Variants in CFAP65 observed in about 807,000 individuals in gnomAD.
The protein encoded by CFAP65 is cilia- and flagella-associated protein 65.
In CFAP65, 155 loss-of-function variants were observed where a neutral mutation model predicts 208.0. The observed-to-expected ratio is 0.75, with a 90% CI of 0.65 to 0.85. CFAP65 has a LOEUF of 0.85. CFAP65 is among the 40% of genes least tolerant of loss of function. The pLI, the probability that CFAP65 is intolerant of heterozygous loss-of-function variation, is 0.00. For missense variants in CFAP65, 2,294 were observed against 2,451.3 expected (o/e 0.94, Z 1.36); for synonymous variants, 970 against 986.3 (o/e 0.98, Z 0.31).
At position 219,010,789 on chromosome 2, in the gene CFAP65, C is replaced by A; in HGVS notation, c.4149+16G>T. 6.3e-7 allele frequency: 1 copy of A among 1,595,728 alleles called. No individual in the cohort carries two copies. The highest frequency in any genetic ancestry group is 1.1e-5 in the South Asian group (1 of 89,502). ...AGCACCACCCCACCTCCCACGTCAT[C>A]CAGGTTGCTGCTCACCGTGTAGGTC... is the stretch of plus-strand genomic sequence containing the variant. On this transcript the variant is annotated intron_variant, in intron 25 of 34. Transcript: ENST00000341552.
Position 219,003,526 on chromosome 2 carries a change from G to A in CFAP65, c.5556-254C>T, listed in dbSNP as rs1354524869. Among the ~76,000 whole-genome samples the A allele has an allele frequency of 6.6e-6, 1 of 152,196 alleles. No homozygotes were observed. The highest frequency in any genetic ancestry group is 1.9e-4 in the East Asian group (1 of 5,188). The stretch of plus-strand genomic sequence containing the variant: ...CCCAGGCGATGTAGTAGGCATCTCA[G>A]GGCCAAGTTTAGAGAAAGGTAGGGA... On this transcript the variant is annotated intron_variant, in intron 33 of 34. Coordinates refer to ENST00000341552, the MANE Select transcript of CFAP65 (RefSeq NM_194302.4). This position sits in a 1 kb window ranked among gnomAD's most constrained non-coding sequence, Gnocchi z 4.4.
At chr2:219,038,692 T>C (rs1158403280) in intron 3 of CFAP65, 114 bp from the exon 4 acceptor site, 2 of 1,158,716 alleles carry the variant, frequency 1.7e-6, no homozygotes, top group Admixed American at 3.9e-5. Context: ...TTCCCAGCTC[T>C]GGCAACAGGT....
At chr2:219,024,399 G>C in intron 14 of CFAP65, 139 bp from the exon 15 acceptor site, 1 of 974,080 alleles carries the variant, frequency 1.0e-6, no homozygotes, top group African/African-American at 1.7e-5. Flanking sequence ...TCAACGCCCT[G>C]GGAACGGGGA....
chr2:219,024,335 G>C (rs1171594552), intron 14 of CFAP65, 75 bp from the exon 15 acceptor site: 7 of 1,520,922 alleles, frequency 4.6e-6, no homozygotes, highest in African/African-American at 1.4e-5. Flanking sequence ...GGCCCTATGG[G>C]GGCTTGGGAG....
At position 219,003,055 on chromosome 2, in the gene CFAP65, G is replaced by A; in HGVS notation, c.5694-34C>T. 3 of 1,551,290 alleles carry A rather than the reference G, an allele frequency of 1.9e-6. No individual in the cohort carries two copies. The highest frequency in any genetic ancestry group is 2.6e-6 in the Non-Finnish European group (3 of 1,146,854). Reference sequence around the variant, plus strand: ...CAAAAAGTCCCAGGTAGGCGTGGGGGCGAGGCTTCGGGCAGAGCCTGGCTG... The same window carrying A: ...CAAAAAGTCCCAGGTAGGCGTGGGGACGAGGCTTCGGGCAGAGCCTGGCTG... On this transcript the variant is annotated intron_variant, in intron 34 of 34. Coordinates refer to ENST00000341552, the MANE Select transcript of CFAP65 (RefSeq NM_194302.4). The surrounding 1 kb of genome is among the most constrained non-coding windows in gnomAD (Gnocchi z 4.4).
At position 219,004,835 on chromosome 2, in the gene CFAP65, G is replaced by A. The variant is rs945487072; in HGVS notation, c.5052-380C>T. On this transcript the variant is annotated intron_variant, in intron 32 of 34. Transcript: ENST00000341552. This position sits in a 1 kb window ranked among gnomAD's most constrained non-coding sequence, Gnocchi z 4.7. The stretch of plus-strand genomic sequence containing the variant: ...CTGTCCTGGGGTGGGGGGGCCGGGG[G>A]GGGGGACCGTGGTGGGATCTTGCAA... 1.4e-5 allele frequency among the ~76,000 whole-genome samples: 2 copies of A among 147,998 alleles called. No individual in the cohort carries two copies. The highest frequency in any genetic ancestry group is 3.0e-5 in the Non-Finnish European group (2 of 66,608).
intron 26 of CFAP65, among the ~76,000 whole-genome samples, 194 bp from the exon 27 acceptor site, chr2:219,010,279 A>G (rs1200422796): frequency 6.6e-6 from 1 of 151,766 alleles, no homozygotes; most frequent in Non-Finnish European, 1.5e-5. Context: ...CATCCCAGTG[A>G]AGAGGGTGGG....
chr2:219,024,133 G>A lies in CFAP65; in HGVS notation c.2477C>T (p.Ser826Leu), dbSNP rs777771098. ...RGSDVILRPT[S>L]GLVAPGAHQI... is the part of the protein sequence containing the mutation. Reference sequence around the variant, plus strand: ...GTGGGCCCCGGGTGCCACAAGGCCCGAAGTGGGCCGAAGGATGACGTCTGA... The same window carrying A: ...GTGGGCCCCGGGTGCCACAAGGCCCAAAGTGGGCCGAAGGATGACGTCTGA... The change falls in exon 15 of 35, where the codon TCG (serine) becomes TTG (leucine). Residue 826 changes from serine to leucine, a missense_variant. This residue lies in a region of CFAP65 where 1,427 missense variants were observed against 1,438.7 expected (regional missense o/e 0.99). Transcript: ENST00000341552. The A allele has an allele frequency of 1.8e-5, 29 of 1,613,906 alleles. No individual in the cohort carries two copies. Among genetic ancestry groups the A allele is most frequent in the Admixed American group, 5.0e-5 (3 of 60,006 alleles).
intron 21 of CFAP65, among the ~76,000 whole-genome samples, chr2:219,016,973 T>C (rs1946933077): frequency 6.6e-6 from 1 of 152,230 alleles, no homozygotes; most frequent in South Asian, 2.1e-4. Context: ...TTCACAACCT[T>C]TCTGCCTTTT....
intron 9 of CFAP65, 100 bp from the exon 10 acceptor site, chr2:219,030,308 T>A: frequency 1.7e-6 from 2 of 1,204,428 alleles, no homozygotes; most frequent in African/African-American, 1.5e-5. Context: ...GCCAAGGGGG[T>A]GGGGGCAGCT....
rs748550771 is a variant in CFAP65 at position 219,013,955 on chromosome 2, C to G, written c.3692G>C (p.Arg1231Pro). 6.2e-7 allele frequency: 1 copy of G among 1,613,614 alleles called. No individual in the cohort carries two copies. The highest frequency in any genetic ancestry group is 8.5e-7 in the Non-Finnish European group (1 of 1,179,844). ...GGAGAAGAGGCAATTGTCCTGCACG[C>G]GCATCTGGTGGAGCTCAGTGGAATT... is the stretch of plus-strand genomic sequence containing the variant. ...ELNSTELHQM[R>P]VQDNCLFSIS... is the part of the protein sequence containing the mutation. The change falls in exon 22 of 35, where the codon CGC becomes CCC. Residue 1231 changes from arginine (R) to proline (P), a missense_variant. Transcript: ENST00000341552.
rs146850155 is a variant in CFAP65 at position 219,028,736 on chromosome 2, G to A, written c.1651-335C>T. Among the ~76,000 whole-genome samples the A allele has an allele frequency of 1.6e-3, 240 of 152,294 alleles. 1 individual carries two copies. Among genetic ancestry groups the A allele is most frequent in the African/African-American group, 5.4e-3 (225 of 41,556 alleles). ...TAGAATTCAGGCCCTCCCAAGGGAG[G>A]AGAATATGGGGGGCTGCCTCATCAG... On this transcript the variant is annotated intron_variant, in intron 11 of 34. Transcript: ENST00000341552.
At position 219,006,036 on chromosome 2, in the gene CFAP65, C is replaced by A. The variant is rs1559113874; in HGVS notation, c.4907G>T (p.Cys1636Phe). 1 of 1,613,222 alleles carries A rather than the reference C, an allele frequency of 6.2e-7. No homozygotes were observed. The highest frequency in any genetic ancestry group is 2.2e-5 in the East Asian group (1 of 44,874). Residue 1636 changes from cysteine to phenylalanine, a missense_variant, in exon 31 of 35, where the codon TGC becomes TTC. Physicochemically the swap from Cys to Phe is radical, Grantham distance 205 (BLOSUM62 -2). This residue lies in a region of CFAP65 where 1,427 missense variants were observed against 1,438.7 expected (regional missense o/e 0.99). Transcript: ENST00000341552. ...FLANFFSEFPCHFLHRELPKR... is the reference protein window; with the variant it reads ...FLANFFSEFPFHFLHRELPKR... ...AAGAGCTTACCGGTGCAAAAAGTGG[C>A]AGGGAAACTCTGAGAAGAAGTTAGC...
rs929510200 is a variant in CFAP65, at chr2:219,023,321, G to C, written c.2706C>G (p.Thr902=). ...WVGCSSTSPF[T]FRNPSRLPLQ... is the part of the protein sequence containing the mutation. ...GGGGCAGACGCGAGGGGTTGCGGAA[G>C]GTGAAGGGGCTGGTGGAGGAGCAGC... is the stretch of plus-strand genomic sequence containing the variant. Residue 902 remains threonine (T), a synonymous_variant, in exon 16 of 35, where the codon ACC becomes ACG. Coordinates refer to ENST00000341552, the MANE Select transcript of CFAP65 (RefSeq NM_194302.4). 2 of 1,613,082 alleles carry C rather than the reference G, an allele frequency of 1.2e-6. No homozygotes were observed. Among genetic ancestry groups the C allele is most frequent in the Non-Finnish European group, 1.7e-6 (2 of 1,179,796 alleles).
chr2:219,016,709 C>A (rs888083872), intron 21 of CFAP65, among the ~76,000 whole-genome samples: 2 of 152,188 alleles, frequency 1.3e-5, no homozygotes, highest in African/African-American at 4.8e-5. Flanking sequence ...CAACATGTCC[C>A]CTTGCCTCAA....
chr2:219,009,657 A>ATG (rs1946304519), intron 27 of CFAP65, among the ~76,000 whole-genome samples, 197 bp from the exon 28 acceptor site: 2 of 33,388 alleles, frequency 6.0e-5, no homozygotes, highest in African/African-American at 4.1e-4. Flanking sequence ...GGGATGGGAT[A>ATG]GGATGGGGTG....
chr2:219,035,699 G>T, intron 4 of CFAP65, 35 bp from the exon 5 acceptor site: 1 of 1,578,918 alleles, frequency 6.3e-7, no homozygotes, highest in South Asian at 1.2e-5. Flanking sequence ...GGAGCAGAAA[G>T]GATGTATCAG....
rs570589390 is a variant in CFAP65, at chr2:219,023,338, A to C, written c.2689T>G (p.Ser897Ala). 47 of 1,611,464 alleles carry C rather than the reference A, an allele frequency of 2.9e-5. No homozygotes were observed. Among genetic ancestry groups the C allele is most frequent in the South Asian group, 2.2e-4 (20 of 90,494 alleles). ...TTGCGGAAGGTGAAGGGGCTGGTGG[A>C]GGAGCAGCCCACCCAGGTGGGCTTG... ...YFKPTWVGCS[S>A]TSPFTFRNPS... Residue 897 changes from serine (S) to alanine (A), a missense_variant, in exon 16 of 35, where the codon TCC becomes GCC. Ser to Ala is a moderately conservative substitution (Grantham distance 99, BLOSUM62 1). This residue lies in a region of CFAP65 where 1,427 missense variants were observed against 1,438.7 expected (regional missense o/e 0.99). Transcript: ENST00000341552.
chr2:219,006,583 C>T (rs1276657836), intron 29 of CFAP65, 74 bp from the exon 30 acceptor site: 4 of 1,489,732 alleles, frequency 2.7e-6, no homozygotes, highest in Non-Finnish European at 3.7e-6. Context: ...CCTGTAATCC[C>T]AGCACTTTGG....
Sources: gnomAD v4.1 joint callset for allele counts (sites outside exome capture counted in the v4.1 genomes callset) on GRCh38, gnomAD v4.1.1 for gene constraint, gnomAD v4.1.1 regional missense constraint, Gnocchi (gnomAD v3.1) non-coding constraint, MANE v1.5 for transcripts, NCBI Gene and HGNC (gene_info 2026-07-23, HGNC 2026-07-21) for gene names.